Variants in SMIM35 observed in about 807,000 individuals in gnomAD.
The protein encoded by SMIM35 is TMPRSS4 antisense RNA 1 (non-protein coding).
At chr11:118,077,430 G>C in intron 1 of SMIM35, 1 of 1,204,058 alleles carries the variant, frequency 8.3e-7, no homozygotes, top group Non-Finnish European at 1.1e-6. Context: ...AAAAAAAGAG[G>C]CCACACCCAA....
chr11:118,019,536 C>T (rs2058208789), intron 1 of SMIM35, among the ~76,000 whole-genome samples: 1 of 152,130 alleles, frequency 6.6e-6, no homozygotes. Flanking sequence ...GCAAAGGGGT[C>T]CCCCAAAGTC....
At chr11:118,032,832 C>T (rs1037191034) in intron 1 of SMIM35, among the ~76,000 whole-genome samples, 1 of 152,140 alleles carries the variant, frequency 6.6e-6, no homozygotes, top group Non-Finnish European at 1.5e-5. Flanking sequence ...CACTTGAACT[C>T]AGGAGGTGGA....
chr11:118,042,026 G>T (rs1591293096), intron 1 of SMIM35, among the ~76,000 whole-genome samples: 1 of 148,904 alleles, frequency 6.7e-6, no homozygotes, highest in East Asian at 2.0e-4. Context: ...TCTCCAGCCT[G>T]GGCAACAGAG....
At chr11:118,035,566 C>T (rs2058352875) in intron 1 of SMIM35, among the ~76,000 whole-genome samples, 1 of 152,144 alleles carries the variant, frequency 6.6e-6, no homozygotes, top group Non-Finnish European at 1.5e-5. Flanking sequence ...GAAGGACCTG[C>T]GTGGGTGGGG....
intron 1 of SMIM35, among the ~76,000 whole-genome samples, chr11:118,031,627 A>G (rs75788377): frequency 0.022 from 3,355 of 152,230 alleles, 134 homozygotes; most frequent in African/African-American, 0.075. Context: ...AGTCCAAAAG[A>G]CATTAATTAA....
rs1309712398 is a variant in SMIM35 at position 118,025,771 on chromosome 11, T to G, written c.8-9962A>C. 2.2e-5 allele frequency: 10 copies of G among 450,536 alleles called. No homozygotes were observed. The Admixed American group carries it at 2.4e-4, about 11-fold the overall frequency. 27.9% of individuals were successfully genotyped at this position (450,536 alleles called of 1,614,324 possible). ...TGTTTGTTCTGTTGATAGTTTCTTTTGCTGTGCAGAAGCCCTTTAGTTTAA... is the reference window on the plus strand; with the variant it reads ...TGTTTGTTCTGTTGATAGTTTCTTTGGCTGTGCAGAAGCCCTTTAGTTTAA... On this transcript the variant is annotated intron_variant, in intron 1 of 4. Transcript: ENST00000689828.
At chr11:118,030,530 T>G (rs1174499214) in intron 1 of SMIM35, among the ~76,000 whole-genome samples, 1 of 152,166 alleles carries the variant, frequency 6.6e-6, no homozygotes, top group Non-Finnish European at 1.5e-5. Context: ...AATATCTGCA[T>G]GTTCTTTCTT....
At chr11:118,067,765 G>C (rs1944501545) in intron 1 of SMIM35, among the ~76,000 whole-genome samples, 1 of 150,586 alleles carries the variant, frequency 6.6e-6, no homozygotes, top group South Asian at 2.1e-4. Flanking sequence ...CCGGGAGATG[G>C]AGGTTGCAGT....
chr11:118,058,356 T>C (rs1944347065), intron 1 of SMIM35, among the ~76,000 whole-genome samples: 1 of 152,048 alleles, frequency 6.6e-6, no homozygotes, highest in South Asian at 2.1e-4. Context: ...TCAGGTTCAG[T>C]ATTCACCCCA....
At chr11:118,030,176 A>G (rs1017789699) in intron 1 of SMIM35, among the ~76,000 whole-genome samples, 4 of 152,088 alleles carry the variant, frequency 2.6e-5, no homozygotes, top group Non-Finnish European at 5.9e-5. Flanking sequence ...CTGGGATTAC[A>G]GGCATGCATC....
intron 1 of SMIM35, among the ~76,000 whole-genome samples, chr11:118,064,793 GCCA>G (rs1010831552): frequency 7.9e-5 from 12 of 152,150 alleles, no homozygotes; most frequent in African/African-American, 2.7e-4. Context: ...ACAGGCATGT[GCCA>G]CCACGCCTGG....
At chr11:118,048,580 A>T (rs1944145472) in intron 1 of SMIM35, among the ~76,000 whole-genome samples, 1 of 145,748 alleles carries the variant, frequency 6.9e-6, no homozygotes, top group African/African-American at 2.5e-5. Context: ...GAAGGAAGGA[A>T]GGAAGGAAGG....
intron 1 of SMIM35, among the ~76,000 whole-genome samples, chr11:118,039,755 A>G (rs1199696316): frequency 6.6e-6 from 1 of 151,944 alleles, no homozygotes; most frequent in African/African-American, 2.4e-5. Flanking sequence ...AAATTTATTG[A>G]GAAACAATAA....
At position 118,080,355 on chromosome 11, in the gene SMIM35, A is replaced by T. The variant is rs1205600202; in HGVS notation, c.7+6396T>A. On this transcript the variant is annotated intron_variant, in intron 1 of 4. Transcript: ENST00000689828. ...AGCAAGAAAGAGTGGTAGTATAGGG[A>T]CAACAGGCTCTCGCTGTGGCTGGAG... Among the ~76,000 whole-genome samples, 4 of 152,120 alleles carry T rather than the reference A, an allele frequency of 2.6e-5. No homozygotes were observed. In the East Asian group the frequency reaches 5.8e-4, roughly 22 times the overall value.
chr11:118,085,220 C>CTTA (rs1162764716), intron 1 of SMIM35, among the ~76,000 whole-genome samples: 1 of 122,780 alleles, frequency 8.1e-6, no homozygotes, highest in African/African-American at 2.8e-5. Flanking sequence ...GTCAGATCTT[C>CTTA]TTCTTCTTTT....
rs145881936 is a variant in SMIM35, at chr11:118,072,164, G to T, written c.7+14587C>A. 8.5e-4 allele frequency among the ~76,000 whole-genome samples: 129 copies of T among 152,314 alleles called. No homozygotes were observed. The East Asian group carries it at 0.022, about 26-fold the overall frequency. Reference sequence around the variant, plus strand: ...GGCACATATAGACAGATGAGTGGGTGACTGCTGATACTGAGATCAAATGCA... The same window carrying T: ...GGCACATATAGACAGATGAGTGGGTTACTGCTGATACTGAGATCAAATGCA... On this transcript the variant is annotated intron_variant, in intron 1 of 4. Coordinates refer to ENST00000689828, the MANE Select transcript of SMIM35 (RefSeq NM_001394165.1).
intron 1 of SMIM35, among the ~76,000 whole-genome samples, chr11:118,063,568 C>T (rs1722242153): frequency 6.6e-6 from 1 of 152,106 alleles, no homozygotes; most frequent in Non-Finnish European, 1.5e-5. Context: ...TGACTGAGGC[C>T]TGGAAGGGCC....
chr11:118,064,414 G>A (rs915417431), intron 1 of SMIM35, among the ~76,000 whole-genome samples: 5 of 152,292 alleles, frequency 3.3e-5, no homozygotes, highest in Middle Eastern at 6.8e-3. Flanking sequence ...GGTTCTGGGT[G>A]TCATCCTCAG....
intron 1 of SMIM35, among the ~76,000 whole-genome samples, chr11:118,030,136 G>A (rs763744723): frequency 1.3e-5 from 2 of 152,072 alleles, no homozygotes; most frequent in Non-Finnish European, 2.9e-5. Context: ...CCAGGTTCAA[G>A]TGATTCTTCC....
Sources: gnomAD v4.1 joint callset for allele counts (sites outside exome capture counted in the v4.1 genomes callset) on GRCh38, gnomAD v4.1.1 for gene constraint, MANE v1.5 for transcripts, NCBI Gene and HGNC (gene_info 2026-07-23, HGNC 2026-07-21) for gene names.